DOK6: variants seen among roughly 807,000 people sequenced by gnomAD.
DOK6 encodes docking protein 6.
Under a neutral mutation model 44.0 loss-of-function variants are expected in DOK6, and 22 were observed. That is an observed-to-expected ratio of 0.50 (90% CI 0.36 to 0.71). The LOEUF is 0.71. Among genes scored for constraint, DOK6 ranks in the 30% least tolerant of loss-of-function variants. The probability of loss-of-function intolerance (pLI) is 0.00; values close to 1 mark genes in which losing one functional copy is unlikely to be tolerated. For synonymous variants in DOK6, 166 were observed against 145.5 expected, an observed-to-expected ratio of 1.14 and a Z score of -1.01; for missense variants, 340 against 416.4, an observed-to-expected ratio of 0.82 and a Z score of 1.60.
intron 1 of DOK6, among the ~76,000 whole-genome samples, chr18:69,532,287 G>C (rs1982007053): frequency 6.6e-6 from 1 of 152,188 alleles, no homozygotes; most frequent in South Asian, 2.1e-4. Flanking sequence ...AGGAAGAGGA[G>C]CATTTATCAA....
At chr18:69,563,552 CA>C (rs1208659793) in intron 1 of DOK6, among the ~76,000 whole-genome samples, 4 of 146,836 alleles carry the variant, frequency 2.7e-5, no homozygotes, top group African/African-American at 1.0e-4. Context: ...ATCACAAGGA[CA>C]AAAAATCAAA....
chr18:69,476,235 C>T (rs1980257815), intron 1 of DOK6, among the ~76,000 whole-genome samples: 1 of 152,146 alleles, frequency 6.6e-6, no homozygotes, highest in South Asian at 2.1e-4. Flanking sequence ...GTGAGTTTAT[C>T]ATATATTATT....
chr18:69,826,054 T>A (rs138658878), intron 7 of DOK6, among the ~76,000 whole-genome samples: 1 of 152,298 alleles, frequency 6.6e-6, no homozygotes, highest in Non-Finnish European at 1.5e-5. Flanking sequence ...ACCATTACTG[T>A]CTGTGTACTT....
Position 69,726,864 on chromosome 18 carries a change from A to T in DOK6, c.600-12101A>T, listed in dbSNP as rs574275184. On this transcript the variant is annotated intron_variant, in intron 5 of 7. Transcript: ENST00000382713. ...TTGTGATCCTTTTTAAAAAAAAAAA[A>T]AAAAAATTGAGACAGAGCCTCACTC... Among the ~76,000 whole-genome samples, 21 of 151,402 alleles carry T rather than the reference A, an allele frequency of 1.4e-4. No homozygotes were observed. In the East Asian group the frequency reaches 2.5e-3, roughly 18 times the overall value.
At chr18:69,539,314 T>A (rs1208471777) in intron 1 of DOK6, among the ~76,000 whole-genome samples, 2 of 152,196 alleles carry the variant, frequency 1.3e-5, no homozygotes, top group African/African-American at 4.8e-5. Context: ...GCGAAGTTTG[T>A]CTCCTTTCAT....
chr18:69,527,645 T>C (rs1178880613), intron 1 of DOK6, among the ~76,000 whole-genome samples: 1 of 152,178 alleles, frequency 6.6e-6, no homozygotes, highest in Non-Finnish European at 1.5e-5. Context: ...GCTCCCATTC[T>C]GCATTCCATC....
chr18:69,774,744 A>G (rs1207891571), intron 7 of DOK6, among the ~76,000 whole-genome samples: 1 of 151,994 alleles, frequency 6.6e-6, no homozygotes, highest in Non-Finnish European at 1.5e-5. Flanking sequence ...AATATTGAAC[A>G]CAGATTTAAT....
chr18:69,824,969 T>C (rs62090536), intron 7 of DOK6, among the ~76,000 whole-genome samples: 39,806 of 152,142 alleles, frequency 0.26, 5,231 homozygotes, highest in Non-Finnish European at 0.27. Flanking sequence ...TCAAACTATT[T>C]TTCTAAATTT....
intron 1 of DOK6, among the ~76,000 whole-genome samples, chr18:69,459,043 C>A (rs1979707910): frequency 6.9e-6 from 1 of 144,586 alleles, no homozygotes; most frequent in Admixed American, 7.3e-5. Flanking sequence ...TTGCAGTGAG[C>A]TGACATCACG....
intron 3 of DOK6, among the ~76,000 whole-genome samples, chr18:69,657,919 G>C (rs920630212): frequency 3.3e-5 from 5 of 151,866 alleles, no homozygotes; most frequent in Non-Finnish European, 7.4e-5. Flanking sequence ...TTTTGGGTGG[G>C]TTTTTGTTGT....
At chr18:69,638,997 T>C (rs1038861393) in intron 3 of DOK6, among the ~76,000 whole-genome samples, 1 of 152,206 alleles carries the variant, frequency 6.6e-6, no homozygotes, top group African/African-American at 2.4e-5. Flanking sequence ...GTTTTTTCTT[T>C]TTTTATAGCT....
intron 5 of DOK6, among the ~76,000 whole-genome samples, chr18:69,732,272 A>G (rs759984439): frequency 7.2e-5 from 11 of 152,200 alleles, no homozygotes; most frequent in Non-Finnish European, 2.9e-5. Flanking sequence ...TTTACAATAA[A>G]GCCTCCAGGA....
chr18:69,566,353 G>A (rs1381539008), intron 2 of DOK6, among the ~76,000 whole-genome samples: 2 of 152,068 alleles, frequency 1.3e-5, no homozygotes, highest in East Asian at 3.9e-4. Flanking sequence ...AGCCAGGATG[G>A]TCTCGATCTT....
At chr18:69,638,049 T>C (rs1191123435) in intron 3 of DOK6, among the ~76,000 whole-genome samples, 1 of 152,212 alleles carries the variant, frequency 6.6e-6, no homozygotes, top group African/African-American at 2.4e-5. Flanking sequence ...AATTCCCTGA[T>C]CAATATTCTT....
chr18:69,628,144 A>AT (rs1984602081), intron 3 of DOK6, among the ~76,000 whole-genome samples: 1 of 152,018 alleles, frequency 6.6e-6, no homozygotes, highest in South Asian at 2.1e-4. Context: ...TAAACCATTC[A>AT]TTTTTTGCAA....
intron 1 of DOK6, among the ~76,000 whole-genome samples, chr18:69,526,099 G>T (rs1298068622): frequency 2.6e-5 from 4 of 151,756 alleles, no homozygotes; most frequent in African/African-American, 9.7e-5. Flanking sequence ...ATATATTATA[G>T]AATTCACCTA....
At chr18:69,668,190 C>T (rs1175371941) in intron 3 of DOK6, among the ~76,000 whole-genome samples, 3 of 152,108 alleles carry the variant, frequency 2.0e-5, no homozygotes, top group Non-Finnish European at 4.4e-5. Context: ...CCACCATTCC[C>T]CACTCCACTG....
At chr18:69,465,410 C>T (rs1410263932) in intron 1 of DOK6, among the ~76,000 whole-genome samples, 1 of 151,790 alleles carries the variant, frequency 6.6e-6, no homozygotes, top group African/African-American at 2.4e-5. Flanking sequence ...CACCCATTAA[C>T]TCGTCATTTA....
chr18:69,670,669 C>A (rs1985776423), intron 3 of DOK6, among the ~76,000 whole-genome samples: 1 of 151,988 alleles, frequency 6.6e-6, no homozygotes, highest in Non-Finnish European at 1.5e-5. Context: ...GCCACCATGC[C>A]CAGCTAATTT....
Sources: gnomAD v4.1 joint callset for allele counts (sites outside exome capture counted in the v4.1 genomes callset) on GRCh38, gnomAD v4.1.1 for gene constraint, MANE v1.5 for transcripts, NCBI Gene and HGNC (gene_info 2026-07-23, HGNC 2026-07-21) for gene names.